The following PLD5 variants were observed in gnomAD, a reference collection of about 807,000 sequenced individuals.
PLD5 encodes inactive phospholipase D5.
PLD5 carries 36 observed loss-of-function variants against 61.1 expected under a neutral mutation model. The observed-to-expected ratio is 0.59, with a 90% CI of 0.45 to 0.78. The LOEUF (loss-of-function observed/expected upper bound fraction) is 0.78. PLD5 is among the 30% of genes least tolerant of loss of function. PLD5 has a pLI of 0.00. For missense variants in PLD5, 515 were observed against 644.4 expected, an observed-to-expected ratio of 0.80 and a Z score of 2.17; for synonymous variants, 243 against 242.8, an observed-to-expected ratio of 1.00 and a Z score of -0.01.
At chr1:242,281,917 G>T (rs1386023366) in intron 3 of PLD5, among the ~76,000 whole-genome samples, 1 of 152,068 alleles carries the variant, frequency 6.6e-6, no homozygotes, top group Non-Finnish European at 1.5e-5. Flanking sequence ...ATGAAAGTAA[G>T]AATTCCACAT....
chr1:242,454,760 C>T (rs79579306), intron 1 of PLD5, among the ~76,000 whole-genome samples: 6,253 of 152,138 alleles, frequency 0.041, 178 homozygotes, highest in Middle Eastern at 0.12. Flanking sequence ...AGAGTGTGTT[C>T]CAGGGTCTAA....
intron 6 of PLD5, among the ~76,000 whole-genome samples, chr1:242,114,869 T>C (rs1228127857): frequency 6.6e-6 from 1 of 151,926 alleles, no homozygotes; most frequent in African/African-American, 2.4e-5. Context: ...TATATTACAA[T>C]GTAATAATAA....
In PLD5 at chr1:242,394,354, ATG is replaced by A. The variant is rs1172674028; in HGVS notation, c.190-46114_190-46113del. Among the ~76,000 whole-genome samples the A allele has an allele frequency of 4.4e-5, 4 of 90,994 alleles. 1 individual carries two copies. Among genetic ancestry groups the A allele is most frequent in the African/African-American group, 1.3e-4 (3 of 22,558 alleles). 59.7% of individuals were successfully genotyped at this position (90,994 alleles called of 152,430 possible). On this transcript the variant is annotated intron_variant, in intron 1 of 9. Coordinates refer to ENST00000536534, the MANE Select transcript of PLD5 (RefSeq NM_001372062.1). ...TATATGTGTGTATATATGAGTATAT[ATG>A]TGTGTATATATGAGTATATATGTGT... is the stretch of plus-strand genomic sequence containing the variant.
At chr1:242,346,952 C>G (rs367631237) in intron 2 of PLD5, among the ~76,000 whole-genome samples, 2 of 152,176 alleles carry the variant, frequency 1.3e-5, no homozygotes, top group South Asian at 4.1e-4. Flanking sequence ...TAATGGCTTT[C>G]AATTCCATTC....
chr1:242,236,034 T>C (rs1288969870), intron 4 of PLD5: 3 of 152,144 alleles, frequency 2.0e-5, no homozygotes, highest in African/African-American at 4.8e-5. Flanking sequence ...GGTCTGAACA[T>C]GTGATTCGTG....
chr1:242,257,038 T>TTTATCTA (rs1553337389), intron 4 of PLD5, among the ~76,000 whole-genome samples: 3 of 142,292 alleles, frequency 2.1e-5, no homozygotes, highest in Non-Finnish European at 4.6e-5. Context: ...CCTACCTACC[T>TTTATCTA]TCTATCTATC....
chr1:242,483,963 G>A lies in PLD5; in HGVS notation c.189+40125C>T, dbSNP rs7520091. 2.5e-3 allele frequency among the ~76,000 whole-genome samples: 382 copies of A among 151,866 alleles called. 9 individuals carry two copies. Among genetic ancestry groups the A allele is most frequent in the African/African-American group, 8.7e-3 (358 of 41,216 alleles). On this transcript the variant is annotated intron_variant, in intron 1 of 9. Transcript: ENST00000536534. ...ACAACCTGCTCCTGAATGAATACTG[G>A]GTACATAACGAAATGAAGGCAGAAA...
chr1:242,282,143 C>A (rs892891888), intron 3 of PLD5, among the ~76,000 whole-genome samples: 3 of 152,090 alleles, frequency 2.0e-5, no homozygotes, highest in Admixed American at 2.0e-4. Flanking sequence ...ATAACAAACC[C>A]TTATATAGGC....
intron 4 of PLD5, among the ~76,000 whole-genome samples, chr1:242,258,576 A>C (rs1276131804): frequency 6.6e-6 from 1 of 152,228 alleles, no homozygotes; most frequent in Non-Finnish European, 1.5e-5. Context: ...ACAAGTTGTG[A>C]CAAAGTTGTC....
intron 5 of PLD5, among the ~76,000 whole-genome samples, chr1:242,191,003 C>T (rs1668237188): frequency 6.6e-6 from 1 of 152,034 alleles, no homozygotes; most frequent in South Asian, 2.1e-4. Flanking sequence ...AGGGACAACA[C>T]GTTGGTATAG....
At chr1:242,299,261 T>C (rs1284658428) in intron 2 of PLD5, among the ~76,000 whole-genome samples, 8 of 152,182 alleles carry the variant, frequency 5.3e-5, no homozygotes, top group Non-Finnish European at 5.9e-5. Context: ...CCCTCAAGCA[T>C]TTATCCTTTG....
chr1:242,414,234 C>T (rs1010870271), intron 1 of PLD5, among the ~76,000 whole-genome samples: 17 of 152,090 alleles, frequency 1.1e-4, no homozygotes, highest in South Asian at 4.2e-4. Flanking sequence ...ATCTGTGAAA[C>T]GCAAAAGGAT....
chr1:242,264,439 C>T (rs1003225971), intron 4 of PLD5, among the ~76,000 whole-genome samples: 1 of 152,158 alleles, frequency 6.6e-6, no homozygotes, highest in Non-Finnish European at 1.5e-5. Flanking sequence ...AATTTTTCTT[C>T]TTCAGGAGGA....
At chr1:242,177,082 C>A (rs563448676) in intron 5 of PLD5, among the ~76,000 whole-genome samples, 1 of 152,230 alleles carries the variant, frequency 6.6e-6, no homozygotes, top group African/African-American at 2.4e-5. Flanking sequence ...TGGATATATA[C>A]CCAAAGGATT....
Position 242,524,284 on chromosome 1 carries a change from T to C in PLD5, c.-8A>G. 7.1e-7 allele frequency: 1 copy of C among 1,398,892 alleles called. No individual in the cohort carries two copies. Among genetic ancestry groups the C allele is most frequent in the Admixed American group, 3.3e-5 (1 of 30,656 alleles). The allele number at this position is 1,398,892 out of a possible 1,614,324, so 86.7% of individuals were successfully genotyped here. Reference sequence around the variant, plus strand: ...GTGCTGCCGGATCTCCATCCTGACATGACCGGGCGGCCGCCGGCGAGCAGC... The same window carrying C: ...GTGCTGCCGGATCTCCATCCTGACACGACCGGGCGGCCGCCGGCGAGCAGC... On this transcript the variant is annotated 5_prime_UTR_variant, in exon 1 of 10. The change abolishes an upstream ATG in the 5' untranslated region. Coordinates refer to ENST00000536534, the MANE Select transcript of PLD5 (RefSeq NM_001372062.1).
At chr1:242,509,554 G>C (rs1016933249) in intron 1 of PLD5, among the ~76,000 whole-genome samples, 7 of 152,138 alleles carry the variant, frequency 4.6e-5, no homozygotes, top group Non-Finnish European at 1.0e-4. Flanking sequence ...GAGGACATGA[G>C]GCCTTCTAAT....
chr1:242,159,518 G>C (rs1343603505), intron 5 of PLD5, among the ~76,000 whole-genome samples: 2 of 152,112 alleles, frequency 1.3e-5, no homozygotes, highest in African/African-American at 4.8e-5. Context: ...AAGCTTTACT[G>C]TTAGGCAGCC....
chr1:242,529,044 T>C (rs770052788), upstream of PLD5, among the ~76,000 whole-genome samples: 5 of 152,210 alleles, frequency 3.3e-5, no homozygotes, highest in Non-Finnish European at 5.9e-5. Context: ...CTCTATTCTT[T>C]GTTGTCAAGA....
At chr1:242,310,363 A>C (rs1676629097) in intron 2 of PLD5, among the ~76,000 whole-genome samples, 1 of 152,106 alleles carries the variant, frequency 6.6e-6, no homozygotes, top group Non-Finnish European at 1.5e-5. Flanking sequence ...GGATTCTTTT[A>C]TTTCTTTTCT....
Sources: allele counts gnomAD v4.1 joint callset (sites outside exome capture counted in the v4.1 genomes callset), GRCh38; gene constraint gnomAD v4.1.1; transcripts MANE v1.5; gene names NCBI Gene and HGNC (gene_info 2026-07-23, HGNC 2026-07-21).